Variants in FANCC observed in about 807,000 individuals in gnomAD.
The protein encoded by FANCC is Fanconi anemia group C protein.
In FANCC, 55 loss-of-function variants were observed where a neutral mutation model predicts 71.3. The ratio of observed to expected loss-of-function variants is 0.77; its 90% CI spans 0.62 to 0.97. FANCC has a LOEUF of 0.97. Among genes scored for constraint, FANCC ranks in the 50% least tolerant of loss-of-function variants. The pLI is 0.00. For synonymous variants in FANCC, 275 were observed against 244.9 expected (o/e 1.12, Z -1.15); for missense variants, 678 against 670.9 (o/e 1.01, Z -0.12).
chr9:95,184,311 C>A (rs997558145), intron 4 of FANCC, among the ~76,000 whole-genome samples: 6 of 151,976 alleles, frequency 3.9e-5, no homozygotes, highest in African/African-American at 1.5e-4. Flanking sequence ...AAATTAAATA[C>A]CATGGTGAAA....
chr9:95,284,392 T>G (rs1833549608), intron 1 of FANCC, among the ~76,000 whole-genome samples: 1 of 152,190 alleles, frequency 6.6e-6, no homozygotes, highest in Non-Finnish European at 1.5e-5. Flanking sequence ...AAGTCATGAG[T>G]TGTATAAACA....
At chr9:95,194,037 C>T (rs1280773710) in intron 4 of FANCC, among the ~76,000 whole-genome samples, 1 of 152,190 alleles carries the variant, frequency 6.6e-6, no homozygotes, top group East Asian at 1.9e-4. Context: ...CTGAGCCATA[C>T]ACCAAACCAA....
In FANCC at chr9:95,108,304, A is replaced by T. The variant is rs531128443; in HGVS notation, c.1330-1035T>A. ...GCAGCGCTCCAGCAGGGCAGGCCTCACTCTCCCCACCTCGCCCCTCAGCCG... is the reference window on the plus strand; with the variant it reads ...GCAGCGCTCCAGCAGGGCAGGCCTCTCTCTCCCCACCTCGCCCCTCAGCCG... On this transcript the variant is annotated intron_variant, in intron 13 of 14. Transcript: ENST00000289081. Among the ~76,000 whole-genome samples the T allele has an allele frequency of 3.3e-5, 5 of 151,296 alleles. No individual in the cohort carries two copies. The East Asian group carries it at 7.8e-4, about 24-fold the overall frequency.
chr9:95,262,581 A>G (rs2136176015), intron 1 of FANCC, among the ~76,000 whole-genome samples: 1 of 152,328 alleles, frequency 6.6e-6, no homozygotes, highest in Non-Finnish European at 1.5e-5. Flanking sequence ...TGAAAAAACT[A>G]AACATAGAAT....
At chr9:95,250,806 T>A (rs754180195) in intron 1 of FANCC, among the ~76,000 whole-genome samples, 7 of 152,256 alleles carry the variant, frequency 4.6e-5, no homozygotes, top group Non-Finnish European at 5.9e-5. Flanking sequence ...ACTGCCAGGC[T>A]GGGCCTGCCC....
chr9:95,293,703 A>G (rs1406026532), intron 1 of FANCC: 1 of 1,613,702 alleles, frequency 6.2e-7, no homozygotes, highest in Non-Finnish European at 8.5e-7. Flanking sequence ...GTCTCTTCCC[A>G]TTAGTGTTCA....
At chr9:95,110,342 A>G (rs965737811) in intron 13 of FANCC, 36 of 1,018,442 alleles carry the variant, frequency 3.5e-5, no homozygotes, top group Non-Finnish European at 3.9e-5. Context: ...TCAGAATCAA[A>G]TAAGACAGAA....
chr9:95,222,216 A>C (rs947670353), intron 4 of FANCC, among the ~76,000 whole-genome samples: 1 of 151,970 alleles, frequency 6.6e-6, no homozygotes, highest in Non-Finnish European at 1.5e-5. Context: ...TCATAGCCAA[A>C]AACTAGAAAC....
At chr9:95,292,681 T>G (rs1182497824) in intron 1 of FANCC, 4 of 1,331,504 alleles carry the variant, frequency 3.0e-6, no homozygotes, top group Non-Finnish European at 4.3e-6. Context: ...TATAGCACAG[T>G]CAATCCAATA....
intron 1 of FANCC, among the ~76,000 whole-genome samples, chr9:95,250,429 G>T (rs922693763): frequency 6.6e-6 from 1 of 152,126 alleles, no homozygotes; most frequent in East Asian, 1.9e-4. Flanking sequence ...AATTTGAAAC[G>T]ACTGTACAAT....
At chr9:95,151,084 C>A (rs1830144141) in intron 6 of FANCC, among the ~76,000 whole-genome samples, 1 of 152,216 alleles carries the variant, frequency 6.6e-6, no homozygotes, top group South Asian at 2.1e-4. Flanking sequence ...CCTGGGACTG[C>A]AGAAAGCGCC....
intron 10 of FANCC, among the ~76,000 whole-genome samples, chr9:95,124,163 T>C (rs569151041): frequency 1.3e-5 from 2 of 150,974 alleles, no homozygotes; most frequent in Non-Finnish European, 2.9e-5. Flanking sequence ...AGAGATCTAT[T>C]TGACGTTGGC....
At chr9:95,141,944 G>A (rs1361881126) in intron 7 of FANCC, among the ~76,000 whole-genome samples, 4 of 148,828 alleles carry the variant, frequency 2.7e-5, no homozygotes, top group African/African-American at 9.9e-5. Flanking sequence ...ACAATTACTA[G>A]AGTCAATAAT....
chr9:95,140,294 C>T (rs1190701986), intron 7 of FANCC, among the ~76,000 whole-genome samples: 5 of 152,096 alleles, frequency 3.3e-5, no homozygotes, highest in African/African-American at 7.2e-5. Context: ...CTCCCCTGTC[C>T]AACAGACTCT....
At chr9:95,274,030 A>AT (rs1179776145) in intron 1 of FANCC, among the ~76,000 whole-genome samples, 9 of 152,146 alleles carry the variant, frequency 5.9e-5, no homozygotes, top group East Asian at 1.9e-4. Context: ...CCATTTTTTA[A>AT]TTTTTTTATT....
At chr9:95,192,110 T>C (rs1203054064) in intron 4 of FANCC, among the ~76,000 whole-genome samples, 1 of 152,210 alleles carries the variant, frequency 6.6e-6, no homozygotes, top group South Asian at 2.1e-4. Context: ...CAGGGAACAA[T>C]GGGAGGAACA....
At position 95,187,197 on chromosome 9, in the gene FANCC, C is replaced by T. The variant is rs4647477; in HGVS notation, c.346-15050G>A. 3.3e-3 allele frequency among the ~76,000 whole-genome samples: 498 copies of T among 152,296 alleles called. 9 individuals are homozygous for T. The East Asian group carries it at 0.043, about 13-fold the overall frequency. On this transcript the variant is annotated intron_variant, in intron 4 of 14. Transcript: ENST00000289081. ...AGGCACATGCACGGGAAGCAGCGAGCGTTACGCACTCCCAGCACGTCTCCC... is the reference window on the plus strand; with the variant it reads ...AGGCACATGCACGGGAAGCAGCGAGTGTTACGCACTCCCAGCACGTCTCCC...
intron 1 of FANCC, among the ~76,000 whole-genome samples, chr9:95,301,265 G>C (rs1282433210): frequency 6.6e-6 from 1 of 151,916 alleles, no homozygotes; most frequent in Non-Finnish European, 1.5e-5. Context: ...GACTGACTCA[G>C]AAAGATGTTC....
intron 4 of FANCC, among the ~76,000 whole-genome samples, chr9:95,227,022 T>C (rs1829663512): frequency 6.6e-6 from 1 of 152,134 alleles, no homozygotes; most frequent in Admixed American, 6.5e-5. Flanking sequence ...CTTTTTCCTC[T>C]GCACAGTCCT....
Sources: allele counts gnomAD v4.1 joint callset (sites outside exome capture counted in the v4.1 genomes callset), GRCh38; gene constraint gnomAD v4.1.1; transcripts MANE v1.5; gene names NCBI Gene and HGNC (gene_info 2026-07-23, HGNC 2026-07-21).